The following RUSF1 variants were observed in gnomAD, a reference collection of about 807,000 sequenced individuals.
The protein encoded by RUSF1 is RUS1 family protein C16orf58.
A neutral mutation model predicts 63.0 loss-of-function variants in RUSF1; 58 were observed. The ratio of observed to expected loss-of-function variants is 0.92; its 90% CI spans 0.75 to 1.15. The LOEUF (loss-of-function observed/expected upper bound fraction) is 1.15, where lower values mean the gene tolerates loss of function less well. Among genes scored for constraint, RUSF1 ranks in the 50% most tolerant of loss-of-function variants. The pLI is 0.00. For synonymous variants in RUSF1, 274 were observed against 255.8 expected (o/e 1.07, Z -0.68); for missense variants, 652 against 611.0 (o/e 1.07, Z -0.71).
At position 31,508,364 on chromosome 16, in the gene RUSF1, C is replaced by T. The variant is rs1304055322; in HGVS notation, c.10G>A (p.Asp4Asn). The change falls in exon 1 of 13, where the codon GAC becomes AAC. Residue 4 changes from aspartate to asparagine, a missense_variant. Coordinates refer to ENST00000327237, the MANE Select transcript of RUSF1 (RefSeq NM_022744.4). The stretch of plus-strand genomic sequence containing the variant: ...CACAGCGGGGTCTCCAAACCCGCGT[C>T]GTCAGCCATGCCGAGCTTTTGGATC... MAD[D>N]AGLETPLCSE... is the part of the protein sequence containing the mutation. 1.2e-5 allele frequency: 18 copies of T among 1,516,308 alleles called. No individual in the cohort carries two copies. In the East Asian group the frequency reaches 4.2e-4, roughly 35 times the overall value. 93.9% of individuals were successfully genotyped at this position (1,516,308 alleles called of 1,614,324 possible).
At position 31,490,154 on chromosome 16, in the gene RUSF1, C is replaced by T. The variant is rs1302763159; in HGVS notation, c.*681G>A. 3 of 1,614,156 alleles carry T rather than the reference C, an allele frequency of 1.9e-6. No individual in the cohort carries two copies. In the South Asian group the frequency reaches 3.3e-5, roughly 18 times the overall value. Reference sequence around the variant, plus strand: ...GGCATAGCAAGGAGGAACGGGAGGACCTGGATGCTGATGAGCAGCAAGGCT... The same window carrying T: ...GGCATAGCAAGGAGGAACGGGAGGATCTGGATGCTGATGAGCAGCAAGGCT... On this transcript the variant is annotated 3_prime_UTR_variant, in exon 13 of 13. Coordinates refer to ENST00000327237, the MANE Select transcript of RUSF1 (RefSeq NM_022744.4).
chr16:31,507,978 C>T lies in RUSF1; in HGVS notation c.300+96G>A, dbSNP rs1230045565. On this transcript the variant is annotated intron_variant, in intron 1 of 12. Coordinates refer to ENST00000327237, the MANE Select transcript of RUSF1 (RefSeq NM_022744.4). Reference sequence around the variant, plus strand: ...TCTTGGTGTATGAGGCATGTCAGACCCCCCGCCCCCCGGGCTCCGAGTCTC... The same window carrying T: ...TCTTGGTGTATGAGGCATGTCAGACTCCCCGCCCCCCGGGCTCCGAGTCTC... 8 of 1,535,980 alleles carry T rather than the reference C, an allele frequency of 5.2e-6. No individual in the cohort carries two copies. The South Asian group carries it at 6.0e-5, about 12-fold the overall frequency.
rs748536340 is a variant in RUSF1 at position 31,490,421 on chromosome 16, A to G, written c.*414T>C. ...CCCTTACCCAGGAGGAGGCAGCGGC[A>G]GCAGCCAGGCGGCTGGAGGACATCA... On this transcript the variant is annotated 3_prime_UTR_variant, in exon 13 of 13. Transcript: ENST00000327237. The G allele has an allele frequency of 6.2e-7, 1 of 1,613,756 alleles. No homozygotes were observed. Among genetic ancestry groups the G allele is most frequent in the Non-Finnish European group, 8.5e-7 (1 of 1,179,946 alleles).
intron 2 of RUSF1, 78 bp downstream of exon 2, chr16:31,507,686 A>T (rs2082667127): frequency 2.3e-6 from 3 of 1,329,176 alleles, no homozygotes; most frequent in South Asian, 2.5e-5. Flanking sequence ...GCACGAGTCC[A>T]TACATATATA....
At chr16:31,491,611 C>T (rs994331966) in intron 12 of RUSF1, among the ~76,000 whole-genome samples, 2 of 148,842 alleles carry the variant, frequency 1.3e-5, no homozygotes, top group African/African-American at 5.0e-5. Flanking sequence ...CCACTGTGCC[C>T]GACAGTCTTT....
chr16:31,505,643 T>C (rs2082655129), intron 2 of RUSF1, among the ~76,000 whole-genome samples: 1 of 152,044 alleles, frequency 6.6e-6, no homozygotes, highest in Non-Finnish European at 1.5e-5. Context: ...TGGGAGGGGA[T>C]TACTGTGGCA....
chr16:31,500,603 C>A, intron 3 of RUSF1, 83 bp downstream of exon 3: 1 of 1,493,456 alleles, frequency 6.7e-7, no homozygotes, highest in Admixed American at 1.9e-5. Context: ...CTTACAGCCA[C>A]AATTAATGGC....
chr16:31,498,994 C>T (rs1183697394), intron 5 of RUSF1, among the ~76,000 whole-genome samples: 2 of 152,208 alleles, frequency 1.3e-5, no homozygotes, highest in African/African-American at 2.4e-5. Flanking sequence ...TCAATAAATA[C>T]TGTACTGAAA....
At chr16:31,492,903 G>T in intron 10 of RUSF1, 75 bp downstream of exon 10, 1 of 1,461,078 alleles carries the variant, frequency 6.8e-7, no homozygotes. Flanking sequence ...CCCAGAGCTC[G>T]GGGCCCTAGG....
chr16:31,507,619 G>C, intron 2 of RUSF1, 145 bp downstream of exon 2: 1 of 729,974 alleles, frequency 1.4e-6, no homozygotes, highest in Non-Finnish European at 2.2e-6. Flanking sequence ...AGTAAGACTG[G>C]GTTACAAAGC....
intron 2 of RUSF1, among the ~76,000 whole-genome samples, chr16:31,507,055 C>T (rs1008584972): frequency 5.3e-5 from 8 of 152,146 alleles, no homozygotes; most frequent in Non-Finnish European, 4.4e-5. Context: ...TTTTCCATTA[C>T]CTTTAATGGC....
intron 2 of RUSF1, among the ~76,000 whole-genome samples, chr16:31,504,448 T>C (rs2082647989): frequency 6.6e-6 from 1 of 152,238 alleles, no homozygotes; most frequent in Non-Finnish European, 1.5e-5. Flanking sequence ...TTTGTATTTT[T>C]AGTACAGATG....
At position 31,490,626 on chromosome 16, in the gene RUSF1, T is replaced by C. The variant is rs1376332367; in HGVS notation, c.*209A>G. ...CTCCCCAGAAAAGGGGAAGGGGCAGTGGGGTGAGAAGGTCCTGGCTCCCCT... is the reference window on the plus strand; with the variant it reads ...CTCCCCAGAAAAGGGGAAGGGGCAGCGGGGTGAGAAGGTCCTGGCTCCCCT... On this transcript the variant is annotated 3_prime_UTR_variant, in exon 13 of 13. Coordinates refer to ENST00000327237, the MANE Select transcript of RUSF1 (RefSeq NM_022744.4). The C allele has an allele frequency of 1.6e-6, 2 of 1,219,864 alleles. No individual in the cohort carries two copies. Among genetic ancestry groups the C allele is most frequent in the African/African-American group, 3.0e-5 (2 of 67,064 alleles). 75.6% of individuals were successfully genotyped at this position (1,219,864 alleles called of 1,614,324 possible). A position where few individuals can be genotyped will look rare whatever the true frequency, so the allele number is the denominator to read the frequency against.
In RUSF1 at chr16:31,490,495, T is replaced by C; in HGVS notation, c.*340A>G. 6.2e-7 allele frequency: 1 copy of C among 1,613,822 alleles called. No individual in the cohort carries two copies. The highest frequency in any genetic ancestry group is 1.1e-5 in the South Asian group (1 of 90,932). On this transcript the variant is annotated 3_prime_UTR_variant, in exon 13 of 13. Coordinates refer to ENST00000327237, the MANE Select transcript of RUSF1 (RefSeq NM_022744.4). The stretch of plus-strand genomic sequence containing the variant: ...GTGGTCAACCTCAATGCCCTGCTCA[T>C]GATGGCAGTGGCCGTGTTCCTCTGG...
intron 12 of RUSF1, 24 bp downstream of exon 12, chr16:31,491,985 C>G (rs1025981768): frequency 5.6e-6 from 9 of 1,612,866 alleles, no homozygotes; most frequent in African/African-American, 1.3e-5. Flanking sequence ...AGGGGCCAAG[C>G]AGCCATGGGC....
intron 6 of RUSF1, 118 bp downstream of exon 6, chr16:31,496,731 G>A (rs2082605110): frequency 2.2e-6 from 2 of 898,898 alleles, no homozygotes; most frequent in South Asian, 3.7e-5. Flanking sequence ...GGTGTCTTGA[G>A]TCAGCAGGGA....
In RUSF1 at chr16:31,492,232, G is replaced by C; in HGVS notation, c.1196C>G (p.Ala399Gly). 6.2e-7 allele frequency: 1 copy of C among 1,612,996 alleles called. No individual in the cohort carries two copies. Residue 399 changes from alanine to glycine, a missense_variant, in exon 11 of 13, where the codon GCA becomes GGA. Coordinates refer to ENST00000327237, the MANE Select transcript of RUSF1 (RefSeq NM_022744.4). ...GALQGDGPLP[A>G]ELEELRNRVR... is the part of the protein sequence containing the mutation. ...CCGGTTCCTCAGCTCCTCCAGCTCTGCTGGAAGGGGTCCATCTCCCTGCAG... is the reference window on the plus strand; with the variant it reads ...CCGGTTCCTCAGCTCCTCCAGCTCTCCTGGAAGGGGTCCATCTCCCTGCAG...
chr16:31,507,976 A>G (rs926650297), intron 1 of RUSF1, 98 bp from the exon 2 acceptor site: 1 of 1,534,892 alleles, frequency 6.5e-7, no homozygotes, highest in Non-Finnish European at 8.8e-7. Flanking sequence ...GGCATGTCAG[A>G]CCCCCCGCCC....
At chr16:31,498,456 T>C (rs531254187) in intron 5 of RUSF1, among the ~76,000 whole-genome samples, 5 of 152,308 alleles carry the variant, frequency 3.3e-5, no homozygotes, top group East Asian at 1.9e-4. Context: ...CTAGTACTTA[T>C]GGAGAAACAC....
Sources: allele counts gnomAD v4.1 joint callset (sites outside exome capture counted in the v4.1 genomes callset), GRCh38; gene constraint gnomAD v4.1.1; transcripts MANE v1.5; gene names NCBI Gene and HGNC (gene_info 2026-07-23, HGNC 2026-07-21).